MACROD2: variants seen among roughly 807,000 people sequenced by gnomAD.
The protein encoded by MACROD2 is ADP-ribose glycohydrolase MACROD2.
MACROD2 carries 36 observed loss-of-function variants against 70.4 expected under a neutral mutation model. That is an observed-to-expected ratio of 0.51 (90% CI 0.39 to 0.68). The LOEUF (loss-of-function observed/expected upper bound fraction) is 0.68. Among genes scored for constraint, MACROD2 ranks in the 30% least tolerant of loss-of-function variants. The probability of loss-of-function intolerance (pLI) is 0.00; values close to 1 mark genes in which losing one functional copy is unlikely to be tolerated. For missense variants in MACROD2, 496 were observed against 538.4 expected, an observed-to-expected ratio of 0.92 and a Z score of 0.78; for synonymous variants, 172 against 178.8, an observed-to-expected ratio of 0.96 and a Z score of 0.30.
At chr20:15,897,792 A>C (rs1349310949) in intron 10 of MACROD2, among the ~76,000 whole-genome samples, 1 of 152,176 alleles carries the variant, frequency 6.6e-6, no homozygotes, top group Non-Finnish European at 1.5e-5. Context: ...TCATAAATTT[A>C]ATATCTCTAG....
chr20:15,512,666 T>A (rs2047515389), intron 8 of MACROD2, among the ~76,000 whole-genome samples: 1 of 152,164 alleles, frequency 6.6e-6, no homozygotes, highest in Non-Finnish European at 1.5e-5. Context: ...TACCCTGTTG[T>A]CCTTTACTGA....
At chr20:14,109,225 C>T (rs559787104) in intron 3 of MACROD2, among the ~76,000 whole-genome samples, 14 of 151,706 alleles carry the variant, frequency 9.2e-5, no homozygotes, top group South Asian at 6.2e-4. Flanking sequence ...CACATGGTAA[C>T]GGAGACAAAA....
intron 5 of MACROD2, among the ~76,000 whole-genome samples, chr20:15,085,749 A>G (rs756649575): frequency 6.6e-6 from 1 of 152,012 alleles, no homozygotes; most frequent in Non-Finnish European, 1.5e-5. Flanking sequence ...AATATATTAG[A>G]ATATTGCAAA....
intron 10 of MACROD2, among the ~76,000 whole-genome samples, chr20:15,920,233 G>A (rs1010427564): frequency 6.6e-6 from 1 of 152,136 alleles, no homozygotes; most frequent in African/African-American, 2.4e-5. Context: ...AGGAGATGAC[G>A]GGGGTTAGAG....
rs570866399 is a variant in MACROD2 at position 14,784,653 on chromosome 20, G to A, written c.418+99694G>A. Reference sequence around the variant, plus strand: ...TTTAAATCCAAATTAGGTCAGAAAAGGATGGTGTTTTAAGTGGGGGGGGGG... The same window carrying A: ...TTTAAATCCAAATTAGGTCAGAAAAAGATGGTGTTTTAAGTGGGGGGGGGG... On this transcript the variant is annotated intron_variant, in intron 5 of 17. Coordinates refer to ENST00000684519, the MANE Select transcript of MACROD2 (RefSeq NM_001351661.2). Among the ~76,000 whole-genome samples, 43 of 105,226 alleles carry A rather than the reference G, an allele frequency of 4.1e-4. No individual in the cohort carries two copies. The South Asian group carries it at 1.0e-2, about 24-fold the overall frequency. 69.0% of individuals were successfully genotyped at this position (105,226 alleles called of 152,430 possible).
intron 3 of MACROD2, among the ~76,000 whole-genome samples, chr20:14,195,866 G>A (rs1302413658): frequency 5.9e-5 from 9 of 152,164 alleles, no homozygotes; most frequent in African/African-American, 2.2e-4. Flanking sequence ...TTCAAGCCCA[G>A]GTGTGATCCG....
At chr20:15,454,955 T>C (rs147195654) in intron 7 of MACROD2, among the ~76,000 whole-genome samples, 1 of 152,258 alleles carries the variant, frequency 6.6e-6, no homozygotes, top group Non-Finnish European at 1.5e-5. Context: ...GTTTGGTGTA[T>C]ATTAACCCCT....
chr20:15,907,269 A>C (rs995842279), intron 10 of MACROD2, among the ~76,000 whole-genome samples: 6 of 152,234 alleles, frequency 3.9e-5, no homozygotes, highest in Admixed American at 3.3e-4. Flanking sequence ...TTGATGGTTC[A>C]ATGTGGGGAA....
rs116712061 is a variant in MACROD2 at position 14,295,683 on chromosome 20, C to T, written c.272-197796C>T. On this transcript the variant is annotated intron_variant, in intron 3 of 17. Transcript: ENST00000684519. ...TATTTGTAGAGTTTCCAATATGTGC[C>T]CACCCTGTTCTAGATGTTGTGGATG... 1.8e-3 allele frequency among the ~76,000 whole-genome samples: 276 copies of T among 151,698 alleles called. 14 individuals carry two copies. The highest frequency in any genetic ancestry group is 6.3e-3 in the African/African-American group (259 of 41,226).
intron 8 of MACROD2, among the ~76,000 whole-genome samples, chr20:15,754,409 G>T (rs1306983822): frequency 6.6e-6 from 1 of 152,138 alleles, no homozygotes; most frequent in African/African-American, 2.4e-5. Context: ...GATCACCTGA[G>T]GTCAGGAGTT....
At chr20:15,679,132 G>T (rs1261433918) in intron 8 of MACROD2, among the ~76,000 whole-genome samples, 3 of 151,766 alleles carry the variant, frequency 2.0e-5, no homozygotes, top group African/African-American at 7.3e-5. Context: ...GGCTGCTTGG[G>T]AGGCTAAGGC....
intron 8 of MACROD2, among the ~76,000 whole-genome samples, chr20:15,536,404 C>T (rs1245161190): frequency 6.6e-6 from 1 of 152,096 alleles, no homozygotes; most frequent in African/African-American, 2.4e-5. Flanking sequence ...TCTAAGGGCC[C>T]TGGGGATTGG....
At chr20:15,119,924 G>C (rs1391860360) in intron 5 of MACROD2, among the ~76,000 whole-genome samples, 2 of 152,110 alleles carry the variant, frequency 1.3e-5, no homozygotes. Flanking sequence ...ACAATTACTT[G>C]GATTATATCA....
At chr20:14,887,399 GTTT>G (rs11476428) in intron 5 of MACROD2, among the ~76,000 whole-genome samples, 7,842 of 144,622 alleles carry the variant, frequency 0.054, 453 homozygotes, top group African/African-American at 0.15. Context: ...AGCTTTTTTT[GTTT>G]TTTTTTTTTT....
chr20:14,501,400 A>G (rs2084913236), intron 4 of MACROD2, among the ~76,000 whole-genome samples: 1 of 151,874 alleles, frequency 6.6e-6, no homozygotes, highest in Non-Finnish European at 1.5e-5. Context: ...TCTTTTACAT[A>G]CTACAGGTAA....
intron 8 of MACROD2, among the ~76,000 whole-genome samples, chr20:15,737,759 TG>T (rs2051044357): frequency 6.6e-6 from 1 of 152,194 alleles, no homozygotes; most frequent in South Asian, 2.1e-4. Flanking sequence ...TGAGAAGCTC[TG>T]CTTTAAGGAG....
chr20:15,636,089 AAAAG>A (rs1338673417), intron 8 of MACROD2, among the ~76,000 whole-genome samples: 5 of 134,982 alleles, frequency 3.7e-5, no homozygotes, highest in African/African-American at 1.1e-4. Context: ...AAAAAAAAAA[AAAAG>A]AAAGAAAAGA....
chr20:14,344,517 A>G (rs2083045247), intron 3 of MACROD2, among the ~76,000 whole-genome samples: 1 of 152,126 alleles, frequency 6.6e-6, no homozygotes, highest in South Asian at 2.1e-4. Flanking sequence ...GAATTTGAAA[A>G]CATTTTATAA....
chr20:15,558,177 C>T (rs2048193816), intron 8 of MACROD2, among the ~76,000 whole-genome samples: 1 of 152,200 alleles, frequency 6.6e-6, no homozygotes, highest in Admixed American at 6.5e-5. Context: ...CCATCTTGGG[C>T]TGCCCGTGTA....
Sources: allele counts gnomAD v4.1 joint callset (sites outside exome capture counted in the v4.1 genomes callset), GRCh38; gene constraint gnomAD v4.1.1; transcripts MANE v1.5; gene names NCBI Gene and HGNC (gene_info 2026-07-23, HGNC 2026-07-21).